Variants in IL1RL2 observed in about 807,000 individuals in gnomAD.
The protein encoded by IL1RL2 is interleukin-1 receptor-like 2.
Under a neutral mutation model 66.8 loss-of-function variants are expected in IL1RL2, and 68 were observed. The observed-to-expected ratio is 1.02, with a 90% CI of 0.84 to 1.25. The LOEUF (loss-of-function observed/expected upper bound fraction) is 1.25. IL1RL2 is among the 50% of genes most tolerant of loss of function. IL1RL2 has a pLI of 0.00. For missense variants in IL1RL2, 729 were observed against 709.3 expected, an observed-to-expected ratio of 1.03 and a Z score of -0.32; for synonymous variants, 305 against 264.6, an observed-to-expected ratio of 1.15 and a Z score of -1.48.
At chr2:102,231,857 C>T (rs1439421260) in intron 9 of IL1RL2, among the ~76,000 whole-genome samples, 2 of 152,142 alleles carry the variant, frequency 1.3e-5, no homozygotes, top group African/African-American at 4.8e-5. Context: ...AGATGTGAGT[C>T]TGTGGGTTTG....
chr2:102,201,336 T>TAC (rs138237710), intron 4 of IL1RL2, among the ~76,000 whole-genome samples: 14 of 152,104 alleles, frequency 9.2e-5, no homozygotes, highest in Admixed American at 1.3e-4. Context: ...CATATATATG[T>TAC]ACACACACAC....
Position 102,220,094 on chromosome 2 carries a change from C to T in IL1RL2, c.991+77C>T, listed in dbSNP as rs1017930513. On this transcript the variant is annotated intron_variant, in intron 8 of 11. Coordinates refer to ENST00000264257, the MANE Select transcript of IL1RL2 (RefSeq NM_003854.4). ...GGAAACACATCTGAAGGAGCAGTGACTCTAAATGCTCAGTGTGAGGCATGA... is the reference window on the plus strand; with the variant it reads ...GGAAACACATCTGAAGGAGCAGTGATTCTAAATGCTCAGTGTGAGGCATGA... 2.9e-4 allele frequency: 389 copies of T among 1,322,426 alleles called. 1 individual carries two copies. Among genetic ancestry groups the T allele is most frequent in the Middle Eastern group, 9.6e-4 (5 of 5,220 alleles). 81.9% of individuals were successfully genotyped at this position (1,322,426 alleles called of 1,614,324 possible).
chr2:102,224,544 A>C (rs1390793705), intron 8 of IL1RL2, among the ~76,000 whole-genome samples: 1 of 152,188 alleles, frequency 6.6e-6, no homozygotes, highest in African/African-American at 2.4e-5. Context: ...AGAGAGAAGA[A>C]TGGTGGTTAC....
chr2:102,218,800 A>G (rs1033762541), intron 6 of IL1RL2, among the ~76,000 whole-genome samples, 153 bp from the exon 7 acceptor site: 4 of 152,222 alleles, frequency 2.6e-5, no homozygotes, highest in African/African-American at 7.2e-5. Flanking sequence ...CCAGGGAAAG[A>G]AAAAAGTAGA....
intron 11 of IL1RL2, among the ~76,000 whole-genome samples, chr2:102,238,878 C>T (rs959475914): frequency 1.4e-4 from 22 of 152,122 alleles, no homozygotes; most frequent in African/African-American, 5.3e-4. Context: ...ACAATTCCAC[C>T]CTCATCTCCC....
At chr2:102,209,387 C>T (rs762475668) in intron 5 of IL1RL2, among the ~76,000 whole-genome samples, 2 of 152,052 alleles carry the variant, frequency 1.3e-5, no homozygotes, top group African/African-American at 4.8e-5. Flanking sequence ...TCTGGGAAGG[C>T]TTCCAAGAGG....
At chr2:102,229,530 G>A (rs1372219977) in intron 9 of IL1RL2, among the ~76,000 whole-genome samples, 3 of 152,194 alleles carry the variant, frequency 2.0e-5, no homozygotes, top group Non-Finnish European at 2.9e-5. Context: ...ATAATTTGGG[G>A]ATAGAACCAT....
intron 5 of IL1RL2, among the ~76,000 whole-genome samples, chr2:102,207,111 G>A (rs1688771791): frequency 6.6e-6 from 1 of 152,108 alleles, no homozygotes. Flanking sequence ...TGTGGCAAAT[G>A]CTGCCTTCCT....
intron 5 of IL1RL2, among the ~76,000 whole-genome samples, chr2:102,203,370 CT>C (rs1688437210): frequency 6.8e-5 from 10 of 147,726 alleles, no homozygotes; most frequent in African/African-American, 2.5e-4. Flanking sequence ...GTGTCTTTGT[CT>C]GGTTTTGGTA....
chr2:102,212,278 T>C (rs1281107724), intron 6 of IL1RL2, 104 bp downstream of exon 6: 6 of 802,108 alleles, frequency 7.5e-6, no homozygotes, highest in African/African-American at 1.7e-5. Flanking sequence ...ATAAATCCTA[T>C]ACACACCCAG....
Position 102,239,268 on chromosome 2 carries a change from G to A in IL1RL2, c.*27G>A, listed in dbSNP as rs774896896. 46 of 1,608,384 alleles carry A rather than the reference G, an allele frequency of 2.9e-5. No individual in the cohort carries two copies. In the East Asian group the frequency reaches 8.7e-4, roughly 30 times the overall value. Reference sequence around the variant, plus strand: ...ACTTGCTGGACTGACACCTATGGCTGGAAGATGACTTGTTTTGCTCCATGT... The same window carrying A: ...ACTTGCTGGACTGACACCTATGGCTAGAAGATGACTTGTTTTGCTCCATGT... On this transcript the variant is annotated 3_prime_UTR_variant, in exon 12 of 12. Transcript: ENST00000264257.
At position 102,205,556 on chromosome 2, in the gene IL1RL2, T is replaced by C. The variant is rs1194397169; in HGVS notation, c.649+3841T>C. 2.0e-5 allele frequency among the ~76,000 whole-genome samples: 3 copies of C among 152,254 alleles called. No individual in the cohort carries two copies. The East Asian group carries it at 5.8e-4, about 29-fold the overall frequency. On this transcript the variant is annotated intron_variant, in intron 5 of 11. Coordinates refer to ENST00000264257, the MANE Select transcript of IL1RL2 (RefSeq NM_003854.4). ...GGGTAAACGTTTTTAAAATGTGTCA[T>C]GCCACTCCTGGCCTATAAGGTTTCC...
intron 11 of IL1RL2, 183 bp downstream of exon 11, chr2:102,235,460 T>C: frequency 2.0e-6 from 2 of 985,466 alleles, no homozygotes; most frequent in Non-Finnish European, 2.4e-6. Flanking sequence ...CAGAGCTGCT[T>C]CTTCAGGGAA....
At chr2:102,198,578 G>T (rs1461156497) in intron 4 of IL1RL2, among the ~76,000 whole-genome samples, 1 of 152,180 alleles carries the variant, frequency 6.6e-6, no homozygotes, top group Non-Finnish European at 1.5e-5. Context: ...ATTCAACATT[G>T]CTGGGCACTC....
Position 102,191,829 on chromosome 2 carries a change from C to T in IL1RL2, c.294-96C>T. The stretch of plus-strand genomic sequence containing the variant: ...TTAGAGGCAGAGGGTTTGCACAGTG[C>T]TGTGAAAATGATTTGAAAACATTTG... On this transcript the variant is annotated intron_variant, in intron 3 of 11. Transcript: ENST00000264257. 9.4e-6 allele frequency: 8 copies of T among 847,966 alleles called. No homozygotes were observed. In the South Asian group the frequency reaches 1.3e-4, roughly 13 times the overall value. 52.5% of individuals were successfully genotyped at this position (847,966 alleles called of 1,614,324 possible).
intron 4 of IL1RL2, among the ~76,000 whole-genome samples, chr2:102,197,516 CT>C (rs1447610636): frequency 2.6e-5 from 4 of 152,104 alleles, no homozygotes; most frequent in Admixed American, 6.5e-5. Flanking sequence ...CATGGTGAGT[CT>C]TTTTATCCTG....
At chr2:102,215,700 T>C (rs927460739) in intron 6 of IL1RL2, among the ~76,000 whole-genome samples, 1 of 152,146 alleles carries the variant, frequency 6.6e-6, no homozygotes, top group African/African-American at 2.4e-5. Context: ...TGCAAAGCCA[T>C]GCCACTGCCA....
chr2:102,227,217 G>A (rs752976591), intron 9 of IL1RL2, among the ~76,000 whole-genome samples: 56 of 152,154 alleles, frequency 3.7e-4, no homozygotes, highest in Non-Finnish European at 6.6e-4. Context: ...GGAGATGCAC[G>A]ACTTTATACC....
At chr2:102,197,234 G>T (rs529500968) in intron 4 of IL1RL2, among the ~76,000 whole-genome samples, 3 of 152,182 alleles carry the variant, frequency 2.0e-5, no homozygotes, top group African/African-American at 7.2e-5. Flanking sequence ...CTGCTCTCTG[G>T]TTGAAGGCTT....
Sources: allele counts gnomAD v4.1 joint callset (sites outside exome capture counted in the v4.1 genomes callset), GRCh38; gene constraint gnomAD v4.1.1; transcripts MANE v1.5; gene names NCBI Gene and HGNC (gene_info 2026-07-23, HGNC 2026-07-21).